DCDC1: variants seen among roughly 807,000 people sequenced by gnomAD.
The protein encoded by DCDC1 is doublecortin domain-containing protein 1.
A neutral mutation model predicts 178.3 loss-of-function variants in DCDC1; 200 were observed. The observed-to-expected ratio is 1.12, with a 90% confidence interval of 1.00 to 1.26. The LOEUF is 1.26. DCDC1 is among the 50% of genes most tolerant of loss of function. The pLI is 0.00. For missense variants in DCDC1, 1,983 were observed against 1,749.2 expected (o/e 1.13, Z -2.38); for synonymous variants, 690 against 604.8 (o/e 1.14, Z -2.07).
intron 9 of DCDC1, among the ~76,000 whole-genome samples, chr11:31,186,029 C>T (rs888886562): frequency 2.6e-5 from 4 of 152,134 alleles, no homozygotes; most frequent in Non-Finnish European, 5.9e-5. Context: ...TCCCTGCTTC[C>T]ACTCCTCCAT....
At chr11:31,333,290 T>C (rs566668126) in intron 2 of DCDC1, among the ~76,000 whole-genome samples, 36 of 152,306 alleles carry the variant, frequency 2.4e-4, no homozygotes, top group African/African-American at 8.7e-4. Flanking sequence ...CCACATGAGA[T>C]GGGTCTCCTG....
intron 33 of DCDC1, among the ~76,000 whole-genome samples, chr11:30,900,004 T>C (rs1476539749): frequency 6.6e-6 from 1 of 152,088 alleles, no homozygotes; most frequent in Non-Finnish European, 1.5e-5. Context: ...AAAATGAAAA[T>C]GTGCAGACAG....
chr11:31,051,363 G>A (rs1035162448), intron 20 of DCDC1, among the ~76,000 whole-genome samples: 1 of 152,206 alleles, frequency 6.6e-6, no homozygotes, highest in Non-Finnish European at 1.5e-5. Context: ...TGGTGTACCT[G>A]AGGAAGAAGA....
chr11:31,308,048 A>G (rs1948567978), intron 3 of DCDC1, 140 bp from the exon 4 acceptor site: 15 of 1,106,990 alleles, frequency 1.4e-5, no homozygotes, highest in South Asian at 3.2e-5. Flanking sequence ...AATGCCTACA[A>G]TATTCCTGGG....
In DCDC1 at chr11:31,156,322, T is replaced by G. The variant is rs527962028; in HGVS notation, c.1222-18538A>C. On this transcript the variant is annotated intron_variant, in intron 9 of 38. Transcript: ENST00000684477. ...CTATCATCGAATCAATCACAAATAT[T>G]CATCTGTGAAAACCATTCTAACTTT... 1.2e-3 allele frequency among the ~76,000 whole-genome samples: 176 copies of G among 152,248 alleles called. 1 individual carries two copies. Among genetic ancestry groups the G allele is most frequent in the African/African-American group, 3.7e-3 (153 of 41,532 alleles).
intron 20 of DCDC1, among the ~76,000 whole-genome samples, chr11:31,014,183 C>T (rs897087818): frequency 7.2e-5 from 11 of 152,096 alleles, no homozygotes; most frequent in African/African-American, 1.2e-4. Context: ...AGACATAGCT[C>T]TTGCTCGCTC....
chr11:31,338,919 TGTAA>T (rs1256956368), intron 1 of DCDC1, among the ~76,000 whole-genome samples: 1 of 152,184 alleles, frequency 6.6e-6, no homozygotes, highest in African/African-American at 2.4e-5. Context: ...AACTTTACAT[TGTAA>T]GTAAGAAATA....
At chr11:31,340,023 A>C (rs995747279) in intron 1 of DCDC1, among the ~76,000 whole-genome samples, 1 of 152,088 alleles carries the variant, frequency 6.6e-6, no homozygotes, top group Non-Finnish European at 1.5e-5. Context: ...CTCTGTTTTT[A>C]TCTTGATGAA....
chr11:30,879,787 A>G (rs1004403779), intron 37 of DCDC1, among the ~76,000 whole-genome samples: 8 of 152,170 alleles, frequency 5.3e-5, no homozygotes, highest in Admixed American at 2.6e-4. Flanking sequence ...GAAGGCAGCC[A>G]ACATCTCTCT....
chr11:31,288,266 A>C (rs1330717), intron 7 of DCDC1, among the ~76,000 whole-genome samples: 89,340 of 151,386 alleles, frequency 0.59, 26,759 homozygotes, highest in East Asian at 0.93. Context: ...CCTTTTTCAA[A>C]CCATGGATGT....
intron 1 of DCDC1, among the ~76,000 whole-genome samples, chr11:31,361,874 A>G (rs1564932555): frequency 6.6e-6 from 1 of 152,226 alleles, no homozygotes; most frequent in Non-Finnish European, 1.5e-5. Flanking sequence ...GAACTAAGTA[A>G]CAACAGCACT....
chr11:31,048,789 G>A (rs1268540766), intron 20 of DCDC1, among the ~76,000 whole-genome samples: 4 of 152,124 alleles, frequency 2.6e-5, no homozygotes, highest in African/African-American at 4.8e-5. Context: ...CCCGGGAGGC[G>A]GGGCTTGCAG....
In DCDC1 at chr11:30,909,117, C is replaced by T. The variant is rs1452822168; in HGVS notation, c.3748-1G>A. The T allele has an allele frequency of 6.9e-6, 11 of 1,597,442 alleles. No homozygotes were observed. The highest frequency in any genetic ancestry group is 6.8e-6 in the Non-Finnish European group (8 of 1,169,702). Reference sequence around the variant, plus strand: ...CTCCATTGTTGTACGGCTTATATTTCTGAAAAAAGAGGCAAAATATGGAGT... The same window carrying T: ...CTCCATTGTTGTACGGCTTATATTTTTGAAAAAAGAGGCAAAATATGGAGT... On this transcript the variant is annotated splice_acceptor_variant, in intron 28 of 38. Transcript: ENST00000684477. LOFTEE classifies it high-confidence loss of function.
chr11:30,959,445 C>T (rs1033676654), intron 20 of DCDC1, among the ~76,000 whole-genome samples: 3 of 152,100 alleles, frequency 2.0e-5, no homozygotes, highest in African/African-American at 7.2e-5. Context: ...CGTCTTCTAC[C>T]AGCACTGATT....
intron 15 of DCDC1, among the ~76,000 whole-genome samples, chr11:31,099,179 T>G (rs1240570293): frequency 3.9e-5 from 6 of 152,334 alleles, no homozygotes; most frequent in Admixed American, 6.5e-5. Flanking sequence ...AGTTGGTCTC[T>G]GTTGAATTAC....
intron 20 of DCDC1, among the ~76,000 whole-genome samples, chr11:31,032,103 C>A (rs1953689863): frequency 6.6e-6 from 1 of 152,146 alleles, no homozygotes; most frequent in South Asian, 2.1e-4. Context: ...ATAAGTGGGG[C>A]CAAATCCCTA....
At chr11:30,886,562 G>T (rs952708735) in intron 36 of DCDC1, among the ~76,000 whole-genome samples, 1 of 152,110 alleles carries the variant, frequency 6.6e-6, no homozygotes, top group Non-Finnish European at 1.5e-5. Flanking sequence ...TCCTGATATG[G>T]CAGAGAGAAA....
intron 9 of DCDC1, among the ~76,000 whole-genome samples, chr11:31,213,579 G>C (rs1006949349): frequency 6.6e-6 from 1 of 151,844 alleles, no homozygotes; most frequent in Non-Finnish European, 1.5e-5. Flanking sequence ...AATTAGCCAG[G>C]CGTGGTGGCG....
At chr11:31,246,411 T>A (rs1943568792) in intron 8 of DCDC1, among the ~76,000 whole-genome samples, 1 of 151,932 alleles carries the variant, frequency 6.6e-6, no homozygotes, top group South Asian at 2.1e-4. Context: ...AAGATATCAT[T>A]TAGAAATACA....
Sources: gnomAD v4.1 joint callset for allele counts (sites outside exome capture counted in the v4.1 genomes callset) on GRCh38, gnomAD v4.1.1 for gene constraint, MANE v1.5 for transcripts, NCBI Gene and HGNC (gene_info 2026-07-23, HGNC 2026-07-21) for gene names.